Variants in LRRC53 observed in about 807,000 individuals in gnomAD.
LRRC53 encodes the protein leucine rich repeat containing 53.
A neutral mutation model predicts 13.6 loss-of-function variants in LRRC53; 25 were observed. That is an observed-to-expected ratio of 1.83 (90% confidence interval 1.34 to 2.56). The LOEUF (loss-of-function observed/expected upper bound fraction) is 2.56. LRRC53 is among the 30% of genes most tolerant of loss of function. The probability of loss-of-function intolerance (pLI) is 0.00; values close to 1 mark genes in which losing one functional copy is unlikely to be tolerated. For synonymous variants in LRRC53, 204 were observed against 109.8 expected (o/e 1.86, Z -5.37); for missense variants, 527 against 275.8 (o/e 1.91, Z -6.45).
chr1:74,486,425 A>T (rs910387772), intron 1 of LRRC53, among the ~76,000 whole-genome samples: 1 of 151,976 alleles, frequency 6.6e-6, no homozygotes, highest in Non-Finnish European at 1.5e-5. Flanking sequence ...TAGTATCAAT[A>T]TAATTTGCTG....
At chr1:74,523,598 C>T in the LRRC53 span, among the ~76,000 whole-genome samples, 6 of 152,156 alleles carry the variant, frequency 3.9e-5, no homozygotes, top group East Asian at 1.2e-3. Flanking sequence ...TTCAGCTCTG[C>T]CCTCTTCATG....
chr1:74,512,017 G>A lies in LRRC53; in HGVS notation c.-27+509C>T, dbSNP rs148493185. Among the ~76,000 whole-genome samples, 826 of 152,180 alleles carry A rather than the reference G, an allele frequency of 5.4e-3. 10 individuals carry two copies. Among genetic ancestry groups the A allele is most frequent in the African/African-American group, 0.018 (744 of 41,514 alleles). On this transcript the variant is annotated intron_variant, in intron 1 of 4. Coordinates refer to ENST00000294635, the MANE Select transcript of LRRC53 (RefSeq NM_001382280.1). ...ACCCAAGGAAAATCGGAAGGAAGAG[G>A]GCAGCTTTCCTTCATGCAGCTTCCC...
intron 2 of LRRC53, among the ~76,000 whole-genome samples, chr1:74,482,805 TAAAA>T (rs948413559): frequency 6.6e-6 from 1 of 152,104 alleles, no homozygotes; most frequent in Non-Finnish European, 1.5e-5. Flanking sequence ...TTACCACCAA[TAAAA>T]AAAGACCAGA....
In LRRC53 at chr1:74,475,302, T is replaced by C. The variant is rs1668139879; in HGVS notation, c.1413A>G (p.Arg471=). 4.6e-6 allele frequency: 3 copies of C among 656,018 alleles called. No individual in the cohort carries two copies. The highest frequency in any genetic ancestry group is 5.6e-6 in the Non-Finnish European group (2 of 357,834). 40.6% of individuals were successfully genotyped at this position (656,018 alleles called of 1,614,324 possible). The change falls in exon 4 of 5, where the codon AGA becomes AGG. Residue 471 remains arginine, a synonymous_variant. Coordinates refer to ENST00000294635, the MANE Select transcript of LRRC53 (RefSeq NM_001382280.1). ...QPQTLQHHII[R]TEDISSDIFR... ...AAAACAAGACAAACTCACCTTCTGT[T>C]CTTATTATATGGTGTTGCAGAGTTT...
At chr1:74,516,432 A>G (rs1174302028), upstream of LRRC53, among the ~76,000 whole-genome samples, 3 of 152,236 alleles carry the variant, frequency 2.0e-5, no homozygotes, top group Non-Finnish European at 2.9e-5. Context: ...TCCGTACAAT[A>G]CAAGGCATGA....
the LRRC53 span, among the ~76,000 whole-genome samples, chr1:74,535,813 C>A: frequency 2.0e-5 from 3 of 152,174 alleles, no homozygotes; most frequent in Admixed American, 6.6e-5. Flanking sequence ...CAGTCAGTCA[C>A]AATTGAATCT....
chr1:74,517,403 A>G (rs1489047296), upstream of LRRC53, among the ~76,000 whole-genome samples: 1 of 152,198 alleles, frequency 6.6e-6, no homozygotes, highest in Non-Finnish European at 1.5e-5. Context: ...TCACTGATTC[A>G]TATGTCAAAC....
intron 1 of LRRC53, among the ~76,000 whole-genome samples, chr1:74,501,474 G>GTGTT (rs71588835): frequency 0.13 from 19,714 of 149,848 alleles, 1,233 homozygotes; most frequent in East Asian, 0.16. Flanking sequence ...TTTTTGTTTT[G>GTGTT]TGTTTGTTTG....
chr1:74,492,997 T>G (rs957995507), intron 1 of LRRC53, among the ~76,000 whole-genome samples: 4 of 152,168 alleles, frequency 2.6e-5, no homozygotes, highest in African/African-American at 9.7e-5. Context: ...CCCTTTATCT[T>G]CTTATAAGGG....
chr1:74,489,499 C>A (rs965086686), intron 1 of LRRC53, among the ~76,000 whole-genome samples: 1 of 152,128 alleles, frequency 6.6e-6, no homozygotes. Flanking sequence ...CAGTCATGCT[C>A]AGCTTAAAAA....
intron 1 of LRRC53, among the ~76,000 whole-genome samples, chr1:74,507,937 G>A (rs923246565): frequency 4.6e-5 from 7 of 152,174 alleles, no homozygotes; most frequent in Non-Finnish European, 1.0e-4. Context: ...CTGGGAGTTT[G>A]CCAGGAACCA....
chr1:74,504,366 A>G (rs987728077), intron 1 of LRRC53, among the ~76,000 whole-genome samples: 1 of 152,156 alleles, frequency 6.6e-6, no homozygotes, highest in Non-Finnish European at 1.5e-5. Context: ...GGCCTCCTCC[A>G]GCCCTCCTGA....
upstream of LRRC53, among the ~76,000 whole-genome samples, chr1:74,515,943 C>T (rs1646342178): frequency 6.6e-6 from 1 of 152,130 alleles, no homozygotes; most frequent in Non-Finnish European, 1.5e-5. Context: ...GTTCTGATGT[C>T]TGACTCAGTT....
chr1:74,492,253 G>C lies in LRRC53; in HGVS notation c.-26-8878C>G, dbSNP rs1260579738. ...TGCTCTAAATGCAAGGTCCTATGCTGCTTTGTCCCAAAGGTGAGTGGTAAT... is the reference window on the plus strand; with the variant it reads ...TGCTCTAAATGCAAGGTCCTATGCTCCTTTGTCCCAAAGGTGAGTGGTAAT... On this transcript the variant is annotated intron_variant, in intron 1 of 4. Coordinates refer to ENST00000294635, the MANE Select transcript of LRRC53 (RefSeq NM_001382280.1). 4 of 1,575,910 alleles carry C rather than the reference G, an allele frequency of 2.5e-6. No individual in the cohort carries two copies. The East Asian group carries it at 9.0e-5, about 36-fold the overall frequency.
intron 3 of LRRC53, among the ~76,000 whole-genome samples, chr1:74,479,435 A>G (rs1252855224): frequency 6.6e-6 from 1 of 152,230 alleles, no homozygotes; most frequent in East Asian, 1.9e-4. Context: ...GTATGGGCCA[A>G]GTTTACATAG....
At chr1:74,512,905 AT>A, upstream of LRRC53, among the ~76,000 whole-genome samples, 1 of 152,214 alleles carries the variant, frequency 6.6e-6, no homozygotes, top group Admixed American at 6.5e-5. Flanking sequence ...TCACTATGTG[AT>A]CACCTAAAGC....
At chr1:74,483,832 T>G (rs1668618764) in intron 1 of LRRC53, among the ~76,000 whole-genome samples, 1 of 152,182 alleles carries the variant, frequency 6.6e-6, no homozygotes, top group Non-Finnish European at 1.5e-5. Flanking sequence ...AAAGCTAATC[T>G]CAGACACTGA....
intron 1 of LRRC53, among the ~76,000 whole-genome samples, chr1:74,484,136 C>A (rs1668636884): frequency 6.6e-6 from 1 of 150,922 alleles, no homozygotes; most frequent in South Asian, 2.1e-4. Flanking sequence ...TCTCAACCCC[C>A]CAGTGAAATA....
chr1:74,492,502 T>C (rs1669132919), intron 1 of LRRC53, among the ~76,000 whole-genome samples: 1 of 152,182 alleles, frequency 6.6e-6, no homozygotes, highest in South Asian at 2.1e-4. Flanking sequence ...GTAAGACACG[T>C]CTATTTCAGA....
Sources: allele counts gnomAD v4.1 joint callset (sites outside exome capture counted in the v4.1 genomes callset), GRCh38; gene constraint gnomAD v4.1.1; transcripts MANE v1.5; gene names NCBI Gene and HGNC (gene_info 2026-07-23, HGNC 2026-07-21).